CNTNAP2: variants seen among roughly 807,000 people sequenced by gnomAD.
CNTNAP2 encodes the protein contactin-associated protein-like 2.
A neutral mutation model predicts 155.2 loss-of-function variants in CNTNAP2; 98 were observed. The ratio of observed to expected loss-of-function variants is 0.63; its 90% CI spans 0.54 to 0.75. The LOEUF (loss-of-function observed/expected upper bound fraction) is 0.75, where lower values mean the gene tolerates loss of function less well. Among genes scored for constraint, CNTNAP2 ranks in the 30% least tolerant of loss-of-function variants. CNTNAP2 has a pLI of 0.00. For missense variants in CNTNAP2, 1,727 were observed against 1,688.1 expected (o/e 1.02, Z -0.40); for synonymous variants, 651 against 631.2 (o/e 1.03, Z -0.47).
At chr7:146,633,453 T>C (rs1164749555) in intron 1 of CNTNAP2, among the ~76,000 whole-genome samples, 8 of 152,118 alleles carry the variant, frequency 5.3e-5, no homozygotes, top group African/African-American at 1.9e-4. Context: ...GTTCTGTAAA[T>C]GGATAGGATA....
intron 1 of CNTNAP2, among the ~76,000 whole-genome samples, chr7:146,547,282 A>G (rs1349989504): frequency 1.3e-5 from 2 of 151,830 alleles, no homozygotes; most frequent in Non-Finnish European, 2.9e-5. Flanking sequence ...AATTTTTATT[A>G]TGTTTCTTCT....
At chr7:146,278,903 T>A (rs1362925082) in intron 1 of CNTNAP2, among the ~76,000 whole-genome samples, 1 of 152,178 alleles carries the variant, frequency 6.6e-6, no homozygotes, top group Middle Eastern at 3.2e-3. Context: ...TGAGATAGGT[T>A]TAGATGAGTA....
At chr7:147,234,147 T>C (rs1803746121) in intron 8 of CNTNAP2, among the ~76,000 whole-genome samples, 1 of 152,042 alleles carries the variant, frequency 6.6e-6, no homozygotes, top group South Asian at 2.1e-4. Flanking sequence ...TCCTGATTCA[T>C]TTGCAAGTAA....
intron 15 of CNTNAP2, among the ~76,000 whole-genome samples, chr7:148,052,008 A>G (rs1475081009): frequency 6.6e-6 from 1 of 152,070 alleles, no homozygotes; most frequent in Non-Finnish European, 1.5e-5. Flanking sequence ...GCGTGGTGGC[A>G]GGTGCCTGTA....
chr7:148,296,329 A>G (rs1797283256), intron 21 of CNTNAP2, among the ~76,000 whole-genome samples: 1 of 151,918 alleles, frequency 6.6e-6, no homozygotes, highest in Non-Finnish European at 1.5e-5. Context: ...TGAGATCAGG[A>G]GTTTGAGACC....
At chr7:147,916,007 T>C (rs1462633222) in intron 14 of CNTNAP2, among the ~76,000 whole-genome samples, 1 of 152,196 alleles carries the variant, frequency 6.6e-6, no homozygotes, top group Non-Finnish European at 1.5e-5. Flanking sequence ...TACTTTTTAA[T>C]ATGTGGGTCA....
chr7:148,375,776 C>CATTGCCCTCCCCAAAAAGGAACATTGATA (rs1213511060), intron 21 of CNTNAP2, among the ~76,000 whole-genome samples: 4 of 84,646 alleles, frequency 4.7e-5, no homozygotes, highest in African/African-American at 1.4e-4. Context: ...AGGTGGATCA[C>CATTGCCCTCCCCAAAAAGGAACATTGATA]GAGGTCAGGA....
At chr7:147,772,369 A>G (rs1241226157) in intron 13 of CNTNAP2, among the ~76,000 whole-genome samples, 4 of 146,248 alleles carry the variant, frequency 2.7e-5, no homozygotes, top group Non-Finnish European at 4.5e-5. Context: ...GTGAGCCGAG[A>G]TCGTGCCACA....
intron 1 of CNTNAP2, among the ~76,000 whole-genome samples, chr7:146,426,958 A>C (rs2129115913): frequency 6.6e-6 from 1 of 152,320 alleles, no homozygotes; most frequent in Non-Finnish European, 1.5e-5. Flanking sequence ...TCAAAACGTC[A>C]TGCTGTACAC....
chr7:146,274,439 G>C (rs1359352186), intron 1 of CNTNAP2, among the ~76,000 whole-genome samples: 1 of 152,170 alleles, frequency 6.6e-6, no homozygotes, highest in Non-Finnish European at 1.5e-5. Flanking sequence ...GAAGGCATCT[G>C]TTTGATTCTA....
At chr7:147,512,868 G>A (rs1017463050) in intron 11 of CNTNAP2, among the ~76,000 whole-genome samples, 1 of 152,082 alleles carries the variant, frequency 6.6e-6, no homozygotes, top group African/African-American at 2.4e-5. Flanking sequence ...ATCAATAGTT[G>A]TATGGTAAAA....
chr7:146,339,459 T>A (rs551299685), intron 1 of CNTNAP2, among the ~76,000 whole-genome samples: 1 of 152,304 alleles, frequency 6.6e-6, no homozygotes, highest in South Asian at 2.1e-4. Context: ...TAAGATAATT[T>A]TCATATTCAT....
chr7:147,128,976 G>A (rs1227774978), intron 7 of CNTNAP2, 140 bp downstream of exon 7: 8 of 1,066,502 alleles, frequency 7.5e-6, no homozygotes, highest in Admixed American at 1.9e-5. Flanking sequence ...ACAAACATTA[G>A]AGTTATCAGA....
intron 8 of CNTNAP2, among the ~76,000 whole-genome samples, chr7:147,244,035 G>T (rs1391020782): frequency 6.6e-6 from 1 of 152,132 alleles, no homozygotes; most frequent in Admixed American, 6.5e-5. Context: ...TCTGCCTGAG[G>T]TGGAGGTGGG....
chr7:146,205,497 T>A, intron 1 of CNTNAP2, among the ~76,000 whole-genome samples: 1 of 151,902 alleles, frequency 6.6e-6, no homozygotes, highest in East Asian at 1.9e-4. Context: ...TTACTTCTTT[T>A]TTCATTTTCA....
chr7:146,700,015 G>A (rs1396645141), intron 1 of CNTNAP2, among the ~76,000 whole-genome samples: 1 of 152,056 alleles, frequency 6.6e-6, no homozygotes, highest in East Asian at 1.9e-4. Flanking sequence ...TTCACAATCT[G>A]GGCTTTCCCC....
At chr7:147,940,345 C>A (rs1033871360) in intron 14 of CNTNAP2, 1 of 132,106 alleles carries the variant, frequency 7.6e-6, no homozygotes, top group Non-Finnish European at 1.6e-5. Flanking sequence ...AGCAATTTTA[C>A]ACCCTAACTT....
At chr7:147,261,676 T>A (rs1320992607) in intron 8 of CNTNAP2, among the ~76,000 whole-genome samples, 1 of 152,068 alleles carries the variant, frequency 6.6e-6, no homozygotes, top group Non-Finnish European at 1.5e-5. Context: ...TTACTTTCAC[T>A]GGGGAAAAAA....
rs187677137 is a variant in CNTNAP2, at chr7:147,663,257, A to G, written c.2098+23951A>G. ...GTGATCCACCCGCCTTGGCCTCCCAACGTGCTGGGATTACAGGCGTAAGCC... is the reference window on the plus strand; with the variant it reads ...GTGATCCACCCGCCTTGGCCTCCCAGCGTGCTGGGATTACAGGCGTAAGCC... On this transcript the variant is annotated intron_variant, in intron 13 of 23. Coordinates refer to ENST00000361727, the MANE Select transcript of CNTNAP2 (RefSeq NM_014141.6). Among the ~76,000 whole-genome samples, 69 of 152,336 alleles carry G rather than the reference A, an allele frequency of 4.5e-4. 1 individual carries two copies. Among genetic ancestry groups the G allele is most frequent in the African/African-American group, 1.5e-3 (64 of 41,578 alleles).
Sources: gnomAD v4.1 joint callset for allele counts (sites outside exome capture counted in the v4.1 genomes callset) on GRCh38, gnomAD v4.1.1 for gene constraint, MANE v1.5 for transcripts, NCBI Gene and HGNC (gene_info 2026-07-23, HGNC 2026-07-21) for gene names.